The following HP1BP3 variants were observed in gnomAD, a reference collection of about 807,000 sequenced individuals.
HP1BP3 encodes heterochromatin protein 1 binding protein 3, also known as heterochromatin protein 1-binding protein 3.
Under a neutral mutation model 62.5 loss-of-function variants are expected in HP1BP3, and 12 were observed. The observed-to-expected ratio is 0.19, with a 90% CI of 0.12 to 0.31. The LOEUF is 0.31. HP1BP3 is among the 10% of genes least tolerant of loss of function. The pLI is 1.00. For synonymous variants in HP1BP3, 260 were observed against 237.8 expected, an observed-to-expected ratio of 1.09 and a Z score of -0.86; for missense variants, 502 against 651.8, an observed-to-expected ratio of 0.77 and a Z score of 2.50.
intron 5 of HP1BP3, among the ~76,000 whole-genome samples, chr1:20,771,477 CAT>C (rs1348799428): frequency 6.6e-6 from 1 of 152,172 alleles, no homozygotes; most frequent in African/African-American, 2.4e-5. Flanking sequence ...CATGCCAGGA[CAT>C]TTCCCTGAAG....
rs796476536 is a variant in HP1BP3, at chr1:20,782,837, T to C, written c.-100-2297A>G. On this transcript the variant is annotated intron_variant, in intron 1 of 12. Coordinates refer to ENST00000438032, the MANE Select transcript of HP1BP3 (RefSeq NM_001372052.1). ...ATCACTTGAACCTGGGAGGCGGAGA[T>C]TGCAGTGAGCCGAGATTGTGCCACT... is the stretch of plus-strand genomic sequence containing the variant. Among the ~76,000 whole-genome samples the C allele has an allele frequency of 3.1e-4, 46 of 148,870 alleles. 3 individuals carry two copies. The highest frequency in any genetic ancestry group is 9.2e-4 in the African/African-American group (37 of 40,254).
chr1:20,754,189 T>C (rs568382), intron 9 of HP1BP3, among the ~76,000 whole-genome samples: 3,348 of 152,304 alleles, frequency 0.022, 127 homozygotes, highest in African/African-American at 0.074. Context: ...GACAAATCGA[T>C]TGTATTTCTA....
intron 8 of HP1BP3, 31 bp from the exon 9 acceptor site, chr1:20,757,287 T>C (rs753615479): frequency 1.5e-6 from 2 of 1,354,918 alleles, no homozygotes; most frequent in East Asian, 4.6e-5. Context: ...AAAATAGTGA[T>C]AAATACATTA....
intron 9 of HP1BP3, among the ~76,000 whole-genome samples, chr1:20,751,158 T>C (rs2055723145): frequency 6.6e-6 from 1 of 152,124 alleles, no homozygotes. Context: ...AACATTTTCT[T>C]TTCTCTAGCT....
At chr1:20,773,364 G>C in intron 5 of HP1BP3, 87 bp downstream of exon 5, 1 of 1,068,748 alleles carries the variant, frequency 9.4e-7, no homozygotes, top group Non-Finnish European at 1.3e-6. Context: ...CAAGATTTAT[G>C]ATGTCTAGAC....
chr1:20,777,737 C>T (rs1450551656), intron 3 of HP1BP3, among the ~76,000 whole-genome samples: 1 of 152,190 alleles, frequency 6.6e-6, no homozygotes, highest in Non-Finnish European at 1.5e-5. Flanking sequence ...GGATTACAGG[C>T]GTGAGCCACC....
rs2055091581 is a variant in HP1BP3, at chr1:20,741,816, G to T, written c.*2981C>A. Among the ~76,000 whole-genome samples, 1 of 152,222 alleles carries T rather than the reference G, an allele frequency of 6.6e-6. No individual in the cohort carries two copies. Among genetic ancestry groups the T allele is most frequent in the African/African-American group, 2.4e-5 (1 of 41,446 alleles). On this transcript the variant is annotated 3_prime_UTR_variant, in exon 13 of 13. Transcript: ENST00000438032. ...ACTGAAGCTATTGATCCATGCTAGA[G>T]ATTTCTGGGATTACCTCTGGGGTTT...
At chr1:20,762,176 G>A (rs1386179926) in intron 8 of HP1BP3, among the ~76,000 whole-genome samples, 1 of 152,116 alleles carries the variant, frequency 6.6e-6, no homozygotes, top group East Asian at 1.9e-4. Context: ...AAGAATTAGA[G>A]AAAATCAATA....
At chr1:20,767,112 G>C (rs1016573936) in intron 7 of HP1BP3, among the ~76,000 whole-genome samples, 2 of 152,118 alleles carry the variant, frequency 1.3e-5, no homozygotes, top group Non-Finnish European at 1.5e-5. Context: ...GAGGTCAAGA[G>C]TTCAAGACCA....
rs946560656 is a variant in HP1BP3, at chr1:20,740,387, T to C, written c.*4410A>G. Among the ~76,000 whole-genome samples, 2 of 152,222 alleles carry C rather than the reference T, an allele frequency of 1.3e-5. No homozygotes were observed. Among genetic ancestry groups the C allele is most frequent in the African/African-American group, 4.8e-5 (2 of 41,456 alleles). On this transcript the variant is annotated 3_prime_UTR_variant, in exon 13 of 13. Coordinates refer to ENST00000438032, the MANE Select transcript of HP1BP3 (RefSeq NM_001372052.1). ...TCGCTTCAGCCTTTTGAGGCCTCCT[T>C]TGACATACCAGTGGTTGACAAGACA... is the stretch of plus-strand genomic sequence containing the variant.
intron 8 of HP1BP3, among the ~76,000 whole-genome samples, chr1:20,764,393 G>C (rs2056652349): frequency 6.6e-6 from 1 of 151,460 alleles, no homozygotes; most frequent in Non-Finnish European, 1.5e-5. Flanking sequence ...GCCCAGGCTG[G>C]AGTGCAATGG....
In HP1BP3 at chr1:20,779,816, C is replaced by T. The variant is rs1198359604; in HGVS notation, c.192G>A (p.Lys64=). 2 of 1,608,792 alleles carry T rather than the reference C, an allele frequency of 1.2e-6. No individual in the cohort carries two copies. The highest frequency in any genetic ancestry group is 8.5e-7 in the Non-Finnish European group (1 of 1,177,354). Residue 64 remains lysine (K), a synonymous_variant, in exon 3 of 13, where the codon AAG becomes AAA. Coordinates refer to ENST00000438032, the MANE Select transcript of HP1BP3 (RefSeq NM_001372052.1). ...TGTGTCACCATTTTACTTTACCTGG[C>T]TTTTCTTCCTCCCCTTCAGCAAGCT... ...KSKLAEGEEE[K]PEPDISSEES...
chr1:20,773,627 T>C lies in HP1BP3; in HGVS notation c.351-17A>G, dbSNP rs753450009. 1 of 1,533,650 alleles carries C rather than the reference T, an allele frequency of 6.5e-7. No homozygotes were observed. Among genetic ancestry groups the C allele is most frequent in the Non-Finnish European group, 8.9e-7 (1 of 1,128,548 alleles). ...TCTTTCTCACTTTAAAACAAAGAAT[T>C]GTTATTATAGAAGATAAGCTCTCTA... On this transcript the variant is annotated splice_polypyrimidine_tract_variant and intron_variant, in intron 4 of 12. Coordinates refer to ENST00000438032, the MANE Select transcript of HP1BP3 (RefSeq NM_001372052.1).
At chr1:20,775,759 T>G in intron 4 of HP1BP3, 1 of 438,878 alleles carries the variant, frequency 2.3e-6, no homozygotes. Flanking sequence ...TTTAGTACAG[T>G]AACATGCTGT....
intron 8 of HP1BP3, among the ~76,000 whole-genome samples, chr1:20,758,506 C>T (rs2985313): frequency 0.21 from 31,449 of 151,892 alleles, 4,256 homozygotes; most frequent in Non-Finnish European, 0.29. Context: ...GCCACCACGC[C>T]CGGCTAATTT....
At chr1:20,745,512 C>T in intron 12 of HP1BP3, 31 bp downstream of exon 12, 1 of 1,608,280 alleles carries the variant, frequency 6.2e-7, no homozygotes, top group Non-Finnish European at 8.5e-7. Context: ...ATTTAGTGTC[C>T]TCCCCACAAG....
chr1:20,763,568 T>C (rs2056604576), intron 8 of HP1BP3, among the ~76,000 whole-genome samples: 1 of 152,200 alleles, frequency 6.6e-6, no homozygotes, highest in Non-Finnish European at 1.5e-5. Context: ...GCATTCAATA[T>C]GGTAGTCTTC....
At chr1:20,782,539 G>C (rs1270689198) in intron 1 of HP1BP3, among the ~76,000 whole-genome samples, 1 of 151,160 alleles carries the variant, frequency 6.6e-6, no homozygotes, top group Non-Finnish European at 1.5e-5. Flanking sequence ...ACCTGAAATC[G>C]AGCCACTGCA....
intron 1 of HP1BP3, 21 bp from the exon 2 acceptor site, chr1:20,780,561 G>A (rs2057497775): frequency 1.1e-5 from 7 of 664,552 alleles, no homozygotes; most frequent in East Asian, 5.4e-5. Flanking sequence ...GAAAAGACCT[G>A]GTGTGAAGAT....
Sources: gnomAD v4.1 joint callset for allele counts (sites outside exome capture counted in the v4.1 genomes callset) on GRCh38, gnomAD v4.1.1 for gene constraint, MANE v1.5 for transcripts, NCBI Gene and HGNC (gene_info 2026-07-23, HGNC 2026-07-21) for gene names.